ZNF41: variants seen among roughly 807,000 people sequenced by gnomAD.
The protein encoded by ZNF41 is zinc finger protein 41.
Under a neutral mutation model 9.3 loss-of-function variants are expected in ZNF41, and 6 were observed. That is an observed-to-expected ratio of 0.65 (90% CI 0.35 to 1.28). The LOEUF (loss-of-function observed/expected upper bound fraction) is 1.28, where lower values mean the gene tolerates loss of function less well. Among genes scored for constraint, ZNF41 ranks in the 50% most tolerant of loss-of-function variants. The pLI is 0.03. For synonymous variants in ZNF41, 192 were observed against 207.1 expected (o/e 0.93, Z 0.63); for missense variants, 523 against 585.8 (o/e 0.89, Z 1.11).
chrX:47,459,742 T>TAAAAAAAAAAAAAAAAAAAAAAAA (rs768291943), intron 2 of ZNF41, among the ~76,000 whole-genome samples: 1 of 16,158 alleles, frequency 6.2e-5, no homozygotes, highest in Non-Finnish European at 1.1e-4. Context: ...AGACCCTATC[T>TAAAAAAAAAAAAAAAAAAAAAAAA]AAAAAAAAAA....
In ZNF41 at chrX:47,445,330, T is replaced by C. The variant is rs1397070183; in HGVS notation, c.*2100A>G. On this transcript the variant is annotated 3_prime_UTR_variant, in exon 5 of 5. Transcript: ENST00000684689. ...GTGGAGAAACCGGAAACCTCATACA[T>C]TGATAGAATGTAAAATGGTGCAGTC... Among the ~76,000 whole-genome samples, 1 of 111,965 alleles carries C rather than the reference T, an allele frequency of 8.9e-6. No homozygotes were observed. Among genetic ancestry groups the C allele is most frequent in the South Asian group, 3.7e-4 (1 of 2,675 alleles).
intron 4 of ZNF41, among the ~76,000 whole-genome samples, chrX:47,454,123 G>A (rs751516010): frequency 2.7e-5 from 3 of 110,556 alleles, no homozygotes; most frequent in Non-Finnish European, 5.7e-5. Flanking sequence ...AGGTCCCTAG[G>A]GAAACCTTGC....
chrX:47,467,335 C>G (rs11797900), intron 2 of ZNF41, 75 bp downstream of exon 2: 33,464 of 1,166,262 alleles, frequency 0.029, 364 homozygotes, highest in Middle Eastern at 0.042. Context: ...TGCTTCTGCC[C>G]TTAGGCCCTG....
At chrX:47,474,114 C>A (rs1569300290) in intron 1 of ZNF41, among the ~76,000 whole-genome samples, 1 of 112,268 alleles carries the variant, frequency 8.9e-6, no homozygotes, top group Non-Finnish European at 1.9e-5. Context: ...ATCGTTCTAG[C>A]AACAGTTTGG....
At chrX:47,468,174 C>T (rs2057053796) in intron 1 of ZNF41, among the ~76,000 whole-genome samples, 1 of 111,124 alleles carries the variant, frequency 9.0e-6, no homozygotes, top group South Asian at 3.8e-4. Context: ...AAATTTGCCC[C>T]AGGATCACTC....
chrX:47,463,831 T>C (rs1290562683), intron 2 of ZNF41, among the ~76,000 whole-genome samples: 1 of 111,543 alleles, frequency 9.0e-6, no homozygotes, highest in Non-Finnish European at 1.9e-5. Flanking sequence ...CCCTGATCCC[T>C]CTGCCCATTC....
In ZNF41 at chrX:47,467,531, T is replaced by C; in HGVS notation, c.-50A>G. ...GGCTCTCCTGCTGACAACCCCACTC[T>C]TCCCCAAGCTGGAAGCTGAGCTGGC... On this transcript the variant is annotated 5_prime_UTR_variant, in exon 2 of 5. Transcript: ENST00000684689. The C allele has an allele frequency of 8.6e-7, 1 of 1,158,732 alleles. No homozygotes were observed. The highest frequency in any genetic ancestry group is 1.2e-6 in the Non-Finnish European group (1 of 865,177).
At chrX:47,454,085 AG>A (rs1180887271) in intron 4 of ZNF41, among the ~76,000 whole-genome samples, 2 of 111,469 alleles carry the variant, frequency 1.8e-5, no homozygotes, top group Non-Finnish European at 3.8e-5. Context: ...AAACAAAAAA[AG>A]AAAAGAAAAA....
intron 4 of ZNF41, among the ~76,000 whole-genome samples, chrX:47,453,809 C>T (rs1293148892): frequency 8.9e-6 from 1 of 111,966 alleles, no homozygotes; most frequent in Non-Finnish European, 1.9e-5. Flanking sequence ...CGGTGGGTCA[C>T]ACCTATAATC....
chrX:47,451,089 T>C (rs2056346540), intron 4 of ZNF41, among the ~76,000 whole-genome samples: 1 of 112,438 alleles, frequency 8.9e-6, no homozygotes, highest in Non-Finnish European at 1.9e-5. Flanking sequence ...ACCATTCATA[T>C]TGATACTCAG....
chrX:47,462,804 C>T lies in ZNF41; in HGVS notation c.72+4606G>A, dbSNP rs757854840. On this transcript the variant is annotated intron_variant, in intron 2 of 4. Coordinates refer to ENST00000684689, the MANE Select transcript of ZNF41 (RefSeq NM_001324144.2). The stretch of plus-strand genomic sequence containing the variant: ...ACAGGGCGTCACTCTGCCACCCAGG[C>T]TGGAGTGCAGTGGCACAATCACGGC... Among the ~76,000 whole-genome samples the T allele has an allele frequency of 1.2e-3, 131 of 109,482 alleles. 1 individual carries two copies. The highest frequency in any genetic ancestry group is 4.3e-3 in the African/African-American group (129 of 30,092).
intron 2 of ZNF41, among the ~76,000 whole-genome samples, chrX:47,463,229 A>G (rs996902156): frequency 1.8e-5 from 2 of 110,808 alleles, no homozygotes; most frequent in Non-Finnish European, 3.8e-5. Flanking sequence ...CTTACCCACT[A>G]AAGTGCACTA....
In ZNF41 at chrX:47,467,442, G is replaced by A; in HGVS notation, c.40C>T (p.Leu14=). 1 of 1,190,350 alleles carries A rather than the reference G, an allele frequency of 8.4e-7. No homozygotes were observed. Among genetic ancestry groups the A allele is most frequent in the Non-Finnish European group, 1.1e-6 (1 of 883,764 alleles). Residue 14 remains leucine, a synonymous_variant, in exon 2 of 5, where the codon CTG becomes TTG. Coordinates refer to ENST00000684689, the MANE Select transcript of ZNF41 (RefSeq NM_001324144.2). The stretch of plus-strand genomic sequence containing the variant: ...GAGCTGCCACGTCCCTCTGCAGCCA[G>A]GGCCGGGGACCATGGGGGAGAGTCC... ...NGDSPPWSPA[L]AAEGRGSSCE...
chrX:47,482,231 T>A (rs1238567608), intron 1 of ZNF41, among the ~76,000 whole-genome samples: 2 of 109,544 alleles, frequency 1.8e-5, no homozygotes, highest in Non-Finnish European at 3.8e-5. Context: ...AGGCTACCCA[T>A]CAACTTTCTC....
rs2147484576 is a variant in ZNF41, at chrX:47,449,332, T to A, written c.438A>T (p.Gln146His). The change falls in exon 5 of 5, where the codon CAA becomes CAT. Residue 146 changes from glutamine (Q) to histidine (H), a missense_variant. Coordinates refer to ENST00000684689, the MANE Select transcript of ZNF41 (RefSeq NM_001324144.2). The part of the protein sequence containing the change: ...ELWQDNDQLE[Q>H]RQENQNNLLS... ...AAAGGTTATTCTGGTTTTCCTGACG[T>A]TGCTCTAGCTGGTCATTATCTTGCC... The A allele has an allele frequency of 8.3e-7, 1 of 1,211,666 alleles. No individual in the cohort carries two copies. Among genetic ancestry groups the A allele is most frequent in the East Asian group, 3.0e-5 (1 of 33,847 alleles).
At chrX:47,468,777 AC>A (rs2057073773) in intron 1 of ZNF41, among the ~76,000 whole-genome samples, 1 of 111,132 alleles carries the variant, frequency 9.0e-6, no homozygotes, top group South Asian at 3.8e-4. Context: ...CCACCTTAGC[AC>A]CCCAATCAAT....
At chrX:47,482,152 G>C (rs1005862734) in intron 1 of ZNF41, among the ~76,000 whole-genome samples, 2 of 108,572 alleles carry the variant, frequency 1.8e-5, no homozygotes, top group Non-Finnish European at 3.8e-5. Context: ...ACTCACCCTA[G>C]AGACCCTGTA....
At chrX:47,479,967 C>T (rs771159320) in intron 1 of ZNF41, among the ~76,000 whole-genome samples, 46 of 109,950 alleles carry the variant, frequency 4.2e-4, no homozygotes, top group Non-Finnish European at 3.6e-4. Context: ...GGGTGGCACG[C>T]GCCTATAGTC....
chrX:47,465,217 T>C (rs1028253210), intron 2 of ZNF41, among the ~76,000 whole-genome samples: 5 of 112,715 alleles, frequency 4.4e-5, no homozygotes, highest in East Asian at 2.8e-4. Flanking sequence ...AATTTTATCA[T>C]AGCAGTTTTA....
Sources: gnomAD v4.1 joint callset for allele counts (sites outside exome capture counted in the v4.1 genomes callset) on GRCh38, gnomAD v4.1.1 for gene constraint, MANE v1.5 for transcripts, NCBI Gene and HGNC (gene_info 2026-07-23, HGNC 2026-07-21) for gene names.